Variants in PRKN observed in about 807,000 individuals in gnomAD.
The protein encoded by PRKN is E3 ubiquitin-protein ligase parkin.
Under a neutral mutation model 59.5 loss-of-function variants are expected in PRKN, and 56 were observed. That is an observed-to-expected ratio of 0.94 (90% CI 0.76 to 1.18). The LOEUF (loss-of-function observed/expected upper bound fraction) is 1.18, where lower values mean the gene tolerates loss of function less well. Ranked by LOEUF, PRKN falls within the 50% of genes most tolerant of loss-of-function variation. The probability of loss-of-function intolerance (pLI) is 0.00; values close to 1 mark genes in which losing one functional copy is unlikely to be tolerated. For missense variants in PRKN, 657 were observed against 596.4 expected (o/e 1.10, Z -1.06); for synonymous variants, 250 against 222.1 (o/e 1.13, Z -1.12).
chr6:161,569,352 C>G lies in PRKN; in HGVS notation c.933+3G>C, dbSNP rs1195519110. The G allele has an allele frequency of 6.2e-7, 1 of 1,612,604 alleles. No homozygotes were observed. Among genetic ancestry groups the G allele is most frequent in the Admixed American group, 1.7e-5 (1 of 60,028 alleles). ...TGATGCAGCCTTTGAGATGCTCACT[C>G]ACCTGCTCTTCTCCCAGAATCCTGA... On this transcript the variant is annotated splice_donor_region_variant and intron_variant, in intron 8 of 11. Transcript: ENST00000366898.
chr6:162,292,024 C>T (rs1368892400), intron 2 of PRKN, among the ~76,000 whole-genome samples: 3 of 148,480 alleles, frequency 2.0e-5, no homozygotes, highest in Non-Finnish European at 3.0e-5. Flanking sequence ...AGTGCAATGG[C>T]GGGATCTCGC....
rs576165726 is a variant in PRKN, at chr6:161,443,403, C to T, written c.1084-56526G>A. Among the ~76,000 whole-genome samples, 88 of 151,936 alleles carry T rather than the reference C, an allele frequency of 5.8e-4. 1 individual carries two copies. Among genetic ancestry groups the T allele is most frequent in the African/African-American group, 1.8e-3 (74 of 41,428 alleles). On this transcript the variant is annotated intron_variant, in intron 9 of 11. Coordinates refer to ENST00000366898, the MANE Select transcript of PRKN (RefSeq NM_004562.3). ...GACTTACCACATGCCCTGCATGGGG[C>T]GGGGGAACTGGCGTGCATTGCCTAA...
chr6:161,432,701 G>A (rs983122399), intron 9 of PRKN, among the ~76,000 whole-genome samples: 1 of 151,858 alleles, frequency 6.6e-6, no homozygotes, highest in Admixed American at 6.6e-5. Context: ...AGCTATTGGT[G>A]TGAAGACTGA....
intron 7 of PRKN, among the ~76,000 whole-genome samples, chr6:161,589,048 T>TA (rs1338872575): frequency 6.6e-6 from 1 of 152,202 alleles, no homozygotes; most frequent in Non-Finnish European, 1.5e-5. Flanking sequence ...CTTGGTTTCT[T>TA]AAGGAATGAC....
chr6:162,001,732 C>G (rs1208550815), intron 5 of PRKN, among the ~76,000 whole-genome samples: 1 of 151,754 alleles, frequency 6.6e-6, no homozygotes, highest in African/African-American at 2.4e-5. Context: ...TGTTCTTGAT[C>G]TTAATGGCAA....
chr6:161,874,498 A>AAT lies in PRKN; in HGVS notation c.735-88592_735-88591dup, dbSNP rs1242563149. ...TATGTAAAATATATATTATATGTAA[A>AAT]ATATATTATATGTAAAATATATATT... On this transcript the variant is annotated intron_variant, in intron 6 of 11. Transcript: ENST00000366898. Among the ~76,000 whole-genome samples the AAT allele has an allele frequency of 5.0e-5, 4 of 80,488 alleles. 1 individual carries two copies. The highest frequency in any genetic ancestry group is 3.3e-4 in the African/African-American group (4 of 12,056). 52.8% of individuals were successfully genotyped at this position (80,488 alleles called of 152,430 possible).
intron 5 of PRKN, among the ~76,000 whole-genome samples, chr6:161,974,237 C>A (rs987360171): frequency 6.6e-6 from 1 of 152,154 alleles, no homozygotes; most frequent in Non-Finnish European, 1.5e-5. Context: ...CTGAGATCAC[C>A]CCACTAAATT....
intron 2 of PRKN, among the ~76,000 whole-genome samples, chr6:162,367,830 C>G (rs968552948): frequency 6.6e-6 from 1 of 152,088 alleles, no homozygotes; most frequent in African/African-American, 2.4e-5. Context: ...CTGTAGGAAA[C>G]AGCTACTGCC....
At chr6:162,635,687 T>A (rs1777683769) in intron 1 of PRKN, among the ~76,000 whole-genome samples, 2 of 152,156 alleles carry the variant, frequency 1.3e-5, no homozygotes, top group Non-Finnish European at 2.9e-5. Flanking sequence ...GATTTAAGAG[T>A]TTGTTGATTC....
chr6:162,025,206 G>A (rs1048977503), intron 5 of PRKN, among the ~76,000 whole-genome samples: 113 of 151,700 alleles, frequency 7.4e-4, no homozygotes, highest in African/African-American at 2.5e-3. Context: ...TAGTAGAGAC[G>A]GGGTTTCACC....
chr6:162,449,616 C>G (rs1245379133), intron 1 of PRKN, among the ~76,000 whole-genome samples: 1 of 151,924 alleles, frequency 6.6e-6, no homozygotes, highest in Non-Finnish European at 1.5e-5. Context: ...TACCTGCATA[C>G]TCATTTAGCA....
At chr6:162,621,377 GAA>G (rs1356716917) in intron 1 of PRKN, among the ~76,000 whole-genome samples, 1 of 152,148 alleles carries the variant, frequency 6.6e-6, no homozygotes, top group Non-Finnish European at 1.5e-5. Context: ...GCAGGGTGAT[GAA>G]AGACACATGG....
At chr6:161,913,994 A>G (rs1342130200) in intron 6 of PRKN, among the ~76,000 whole-genome samples, 14 of 152,194 alleles carry the variant, frequency 9.2e-5, no homozygotes, top group Non-Finnish European at 1.3e-4. Flanking sequence ...CTTGGACTTC[A>G]TACCCTCCAG....
chr6:161,720,547 C>T (rs781142113), intron 7 of PRKN, among the ~76,000 whole-genome samples: 50 of 152,180 alleles, frequency 3.3e-4, no homozygotes, highest in Non-Finnish European at 7.4e-4. Flanking sequence ...AAGAAAGTCA[C>T]CCCCTGCAGA....
chr6:161,746,615 T>C (rs1788426326), intron 7 of PRKN, among the ~76,000 whole-genome samples: 1 of 146,556 alleles, frequency 6.8e-6, no homozygotes, highest in Non-Finnish European at 1.5e-5. Context: ...CACACATACA[T>C]AGATATATAC....
In PRKN at chr6:161,674,639, G is replaced by T. The variant is rs183475760; in HGVS notation, c.872-105223C>A. Among the ~76,000 whole-genome samples the T allele has an allele frequency of 3.2e-4, 49 of 152,226 alleles. No individual in the cohort carries two copies. The East Asian group carries it at 6.4e-3, about 20-fold the overall frequency. ...TTACATGCGTAATTGTGGGGGTTGG[G>T]CTTCTAATGTACCCATCACCCTAAC... On this transcript the variant is annotated intron_variant, in intron 7 of 11. Transcript: ENST00000366898.
chr6:161,599,924 A>T (rs1473367374), intron 7 of PRKN, among the ~76,000 whole-genome samples: 1 of 152,220 alleles, frequency 6.6e-6, no homozygotes, highest in Admixed American at 6.5e-5. Context: ...TGTTTCTGCT[A>T]CTGGGTGTCT....
chr6:162,052,409 T>C (rs1176916276), intron 5 of PRKN, among the ~76,000 whole-genome samples: 1 of 152,222 alleles, frequency 6.6e-6, no homozygotes, highest in Non-Finnish European at 1.5e-5. Context: ...TCCTTGATGA[T>C]TTCAATTTCT....
At chr6:161,684,702 A>T (rs1051347533) in intron 7 of PRKN, among the ~76,000 whole-genome samples, 2 of 152,206 alleles carry the variant, frequency 1.3e-5, no homozygotes, top group Non-Finnish European at 2.9e-5. Flanking sequence ...TTAAAATGAG[A>T]TAATTTAACA....
Sources: allele counts gnomAD v4.1 joint callset (sites outside exome capture counted in the v4.1 genomes callset), GRCh38; gene constraint gnomAD v4.1.1; transcripts MANE v1.5; gene names NCBI Gene and HGNC (gene_info 2026-07-23, HGNC 2026-07-21).